Variants in FGF12 observed in about 807,000 individuals in gnomAD.
The protein encoded by FGF12 is fibroblast growth factor 12B.
In FGF12, 14 loss-of-function variants were observed where a neutral mutation model predicts 23.6. That is an observed-to-expected ratio of 0.59 (90% CI 0.39 to 0.93). The LOEUF is 0.93. Ranked by LOEUF, FGF12 falls within the 40% of genes least tolerant of loss-of-function variation. The pLI is 0.00. For synonymous variants in FGF12, 62 were observed against 77.3 expected (o/e 0.80, Z 1.04); for missense variants, 175 against 217.8 (o/e 0.80, Z 1.24).
intron 2 of FGF12, among the ~76,000 whole-genome samples, chr3:192,441,421 G>A (rs539207041): frequency 9.9e-4 from 150 of 152,170 alleles, no homozygotes; most frequent in African/African-American, 3.4e-3. Flanking sequence ...TCTGATCTGG[G>A]GTCAGCCTCT....
chr3:192,306,053 G>A (rs1418910951), intron 4 of FGF12, among the ~76,000 whole-genome samples: 3 of 151,376 alleles, frequency 2.0e-5, no homozygotes, highest in East Asian at 1.9e-4. Context: ...ATAGAGACGG[G>A]GTTTCACTGT....
chr3:192,434,909 C>T (rs1721970626), intron 2 of FGF12, among the ~76,000 whole-genome samples: 1 of 151,864 alleles, frequency 6.6e-6, no homozygotes, highest in Admixed American at 6.6e-5. Flanking sequence ...TACATTTATC[C>T]AACCGCTTTT....
chr3:192,407,903 G>A (rs1167694580), intron 2 of FGF12: 3 of 1,084,116 alleles, frequency 2.8e-6, no homozygotes, highest in South Asian at 3.1e-5. Context: ...GGAAATGAGA[G>A]AAGAGGGGTC....
intron 2 of FGF12, among the ~76,000 whole-genome samples, chr3:192,437,483 G>C (rs1722060554): frequency 6.6e-6 from 1 of 152,072 alleles, no homozygotes; most frequent in African/African-American, 2.4e-5. Flanking sequence ...ACAAGGTCAG[G>C]AGTTCAAAAC....
rs10543146 is a variant in FGF12, at chr3:192,161,505, T to TACACACACACAC, written c.427+8941_427+8952dup. ...ACTTTAAGGAATGACAACGCCTATT[T>TACACACACACAC]ACACACACACACACACACACACACA... On this transcript the variant is annotated intron_variant, in intron 5 of 5. Transcript: ENST00000445105. Among the ~76,000 whole-genome samples the TACACACACACAC allele has an allele frequency of 2.7e-4, 40 of 149,694 alleles. No homozygotes were observed. In the East Asian group the frequency reaches 5.0e-3, roughly 19 times the overall value.
At chr3:192,332,924 T>G (rs1003495367) in intron 4 of FGF12, among the ~76,000 whole-genome samples, 6 of 152,118 alleles carry the variant, frequency 3.9e-5, no homozygotes, top group African/African-American at 1.4e-4. Flanking sequence ...GACTTTTAAC[T>G]CACGAGGCGA....
chr3:192,190,801 A>T (rs1251656312), intron 4 of FGF12, among the ~76,000 whole-genome samples: 1 of 152,154 alleles, frequency 6.6e-6, no homozygotes, highest in Non-Finnish European at 1.5e-5. Flanking sequence ...ATTATTCTTT[A>T]TAAATCTCAA....
At chr3:192,491,763 G>C (rs1224526020) in intron 2 of FGF12, among the ~76,000 whole-genome samples, 1 of 152,052 alleles carries the variant, frequency 6.6e-6, no homozygotes, top group Non-Finnish European at 1.5e-5. Flanking sequence ...GTCACACCTA[G>C]AAAATTATAA....
intron 2 of FGF12, among the ~76,000 whole-genome samples, chr3:192,571,435 C>CCGGGAT (rs1163698931): frequency 6.6e-6 from 1 of 152,230 alleles, no homozygotes; most frequent in African/African-American, 2.4e-5. Context: ...TCATGCAGTA[C>CCGGGAT]CGGGATCGCT....
At chr3:192,611,680 C>T (rs939485183) in intron 2 of FGF12, among the ~76,000 whole-genome samples, 1 of 151,926 alleles carries the variant, frequency 6.6e-6, no homozygotes, top group Non-Finnish European at 1.5e-5. Flanking sequence ...ACGTAACTGT[C>T]ATATTCACTC....
chr3:192,486,801 A>T (rs1723648338), intron 2 of FGF12, among the ~76,000 whole-genome samples: 1 of 152,118 alleles, frequency 6.6e-6, no homozygotes, highest in African/African-American at 2.4e-5. Flanking sequence ...TGTGTCATGA[A>T]TAAACACTGA....
chr3:192,347,752 T>C (rs2108717838), intron 3 of FGF12, among the ~76,000 whole-genome samples: 1 of 152,302 alleles, frequency 6.6e-6, no homozygotes, highest in South Asian at 2.1e-4. Context: ...ACCCAATTTG[T>C]CAAAGCTCTG....
At chr3:192,351,864 T>G (rs1248922461) in intron 3 of FGF12, among the ~76,000 whole-genome samples, 1 of 152,030 alleles carries the variant, frequency 6.6e-6, no homozygotes, top group African/African-American at 2.4e-5. Flanking sequence ...AAAGAAGACC[T>G]CACATGGACA....
intron 2 of FGF12, among the ~76,000 whole-genome samples, chr3:192,720,291 G>A (rs570100823): frequency 6.6e-6 from 1 of 152,216 alleles, no homozygotes; most frequent in Non-Finnish European, 1.5e-5. Flanking sequence ...AAAAAGCCAG[G>A]CAGAGTATGC....
chr3:192,542,271 CT>C (rs1447492441), intron 2 of FGF12, among the ~76,000 whole-genome samples: 1 of 152,142 alleles, frequency 6.6e-6, no homozygotes, highest in Non-Finnish European at 1.5e-5. Context: ...ATTTATTCTG[CT>C]GATAAGAGAC....
At chr3:192,293,654 T>C (rs1031143067) in intron 4 of FGF12, among the ~76,000 whole-genome samples, 1 of 152,198 alleles carries the variant, frequency 6.6e-6, no homozygotes, top group Non-Finnish European at 1.5e-5. Context: ...ATTAAAGATT[T>C]AGAGATTCTG....
At chr3:192,506,892 G>GTT (rs34935744) in intron 2 of FGF12, among the ~76,000 whole-genome samples, 5 of 123,414 alleles carry the variant, frequency 4.1e-5, no homozygotes, top group Admixed American at 8.0e-5. Flanking sequence ...CATTAACTCA[G>GTT]TTTTTTTTTT....
chr3:192,203,804 A>G (rs1717504111), intron 4 of FGF12, among the ~76,000 whole-genome samples: 1 of 151,962 alleles, frequency 6.6e-6, no homozygotes, highest in Admixed American at 6.6e-5. Flanking sequence ...GGTTCTCACT[A>G]TGTTGCCCAG....
chr3:192,476,729 C>T (rs1395013926), intron 2 of FGF12, among the ~76,000 whole-genome samples: 1 of 152,058 alleles, frequency 6.6e-6, no homozygotes, highest in Non-Finnish European at 1.5e-5. Context: ...TCTAGTTTTG[C>T]TAGAAGAAAG....
Sources: allele counts gnomAD v4.1 joint callset (sites outside exome capture counted in the v4.1 genomes callset), GRCh38; gene constraint gnomAD v4.1.1; transcripts MANE v1.5; gene names NCBI Gene and HGNC (gene_info 2026-07-23, HGNC 2026-07-21).